CNST: variants seen among roughly 807,000 people sequenced by gnomAD.
The protein encoded by CNST is consortin, connexin sorting protein.
In CNST, 39 loss-of-function variants were observed where a neutral mutation model predicts 72.4. The observed-to-expected ratio is 0.54, with a 90% CI of 0.42 to 0.70. The LOEUF (loss-of-function observed/expected upper bound fraction) is 0.70, where lower values mean the gene tolerates loss of function less well. Among genes scored for constraint, CNST ranks in the 30% least tolerant of loss-of-function variants. CNST has a pLI of 0.00. For missense variants in CNST, 871 were observed against 868.5 expected, an observed-to-expected ratio of 1.00 and a Z score of -0.04; for synonymous variants, 332 against 320.1, an observed-to-expected ratio of 1.04 and a Z score of -0.40.
At chr1:246,570,224 T>C (rs1159191309) in intron 1 of CNST, among the ~76,000 whole-genome samples, 1 of 152,232 alleles carries the variant, frequency 6.6e-6, no homozygotes, top group Non-Finnish European at 1.5e-5. Flanking sequence ...CCATACGTGC[T>C]TCAAGTTGTT....
At chr1:246,581,628 A>G (rs949105866) in intron 1 of CNST, among the ~76,000 whole-genome samples, 5 of 152,218 alleles carry the variant, frequency 3.3e-5, no homozygotes, top group Admixed American at 1.3e-4. Context: ...AAAACATTCC[A>G]TTACAGCTGC....
chr1:246,566,489 C>G lies in CNST; in HGVS notation c.-226C>G, dbSNP rs1659689259. ...GGGCCGCCAGCCTCCAGCCGGCCAG[C>G]CGCGAGGGGTGCGCAGAGGGAGGCG... On this transcript the variant is annotated 5_prime_UTR_variant, in exon 1 of 11. Transcript: ENST00000366513. 4 of 441,950 alleles carry G rather than the reference C, an allele frequency of 9.1e-6. No individual in the cohort carries two copies. The highest frequency in any genetic ancestry group is 1.2e-5 in the Non-Finnish European group (3 of 248,452). The allele number at this position is 441,950 out of a possible 1,614,324, so 27.4% of individuals were successfully genotyped here.
intron 3 of CNST, among the ~76,000 whole-genome samples, chr1:246,625,653 C>G (rs1664378596): frequency 1.3e-5 from 2 of 151,988 alleles, no homozygotes; most frequent in Non-Finnish European, 2.9e-5. Flanking sequence ...ATCTCTTGAC[C>G]TCACGATCCG....
At position 246,666,059 on chromosome 1, in the gene CNST, ACT is replaced by A. The variant is rs1667378472; in HGVS notation, c.*157_*158del. The A allele has an allele frequency of 1.7e-6, 1 of 602,130 alleles. No homozygotes were observed. Among genetic ancestry groups the A allele is most frequent in the South Asian group, 2.0e-5 (1 of 49,174 alleles). The allele number at this position is 602,130 out of a possible 1,614,324, so 37.3% of individuals were successfully genotyped here. A position where few individuals can be genotyped will look rare whatever the true frequency, so the allele number is the denominator to read the frequency against. ...CAACTTTAAGTGGCAAGCCGGAGGA[ACT>A]CTGTTAGAATAATCCACACAGTGAG... On this transcript the variant is annotated 3_prime_UTR_variant, in exon 11 of 11. Transcript: ENST00000366513.
At chr1:246,630,992 C>G (rs930619093) in intron 3 of CNST, among the ~76,000 whole-genome samples, 1 of 151,986 alleles carries the variant, frequency 6.6e-6, no homozygotes, top group African/African-American at 2.4e-5. Flanking sequence ...ATGATCCACC[C>G]ACCTCAGCCT....
chr1:246,628,166 T>A (rs1029321098), intron 3 of CNST, among the ~76,000 whole-genome samples: 1 of 152,158 alleles, frequency 6.6e-6, no homozygotes, highest in African/African-American at 2.4e-5. Flanking sequence ...GATTAGATGG[T>A]GTCCACCAGT....
At chr1:246,650,926 C>T (rs1385554814) in intron 9 of CNST, among the ~76,000 whole-genome samples, 1 of 152,118 alleles carries the variant, frequency 6.6e-6, no homozygotes, top group Non-Finnish European at 1.5e-5. Flanking sequence ...AATCCACCTA[C>T]CTCGGCCTAC....
At chr1:246,607,483 A>T (rs1662949841) in intron 2 of CNST, 1 of 152,430 alleles carries the variant, frequency 6.6e-6, no homozygotes, top group Admixed American at 6.5e-5. Flanking sequence ...GCGCGCCAAC[A>T]GACAGCACAA....
chr1:246,632,591 G>A (rs116658244), intron 4 of CNST: 2,127 of 161,932 alleles, frequency 0.013, 19 homozygotes, highest in Middle Eastern at 0.035. Flanking sequence ...ACAAAAAGCT[G>A]AACAGTGAGT....
Position 246,642,009 on chromosome 1 carries a change from G to A in CNST, c.909G>A (p.Lys303=). Residue 303 remains lysine, a synonymous_variant, in exon 8 of 11, where the codon AAG becomes AAA. Transcript: ENST00000366513. ...AGTTACTAGTGTCTGAAGATCCAAA[G>A]GAAGGAGGAGCTACCACCAAAGAGT... is the stretch of plus-strand genomic sequence containing the variant. ...STQLLVSEDP[K]EGGATTKESE... 6.2e-7 allele frequency: 1 copy of A among 1,611,342 alleles called. No homozygotes were observed. Among genetic ancestry groups the A allele is most frequent in the Non-Finnish European group, 8.5e-7 (1 of 1,178,338 alleles).
chr1:246,611,491 G>A (rs191964237), intron 2 of CNST, among the ~76,000 whole-genome samples: 2 of 152,288 alleles, frequency 1.3e-5, no homozygotes, highest in African/African-American at 4.8e-5. Flanking sequence ...TGCTCTGAAA[G>A]AGTACTACTA....
At chr1:246,592,384 A>C (rs955833240) in intron 2 of CNST, among the ~76,000 whole-genome samples, 2 of 152,150 alleles carry the variant, frequency 1.3e-5, no homozygotes, top group Non-Finnish European at 2.9e-5. Context: ...GCTACTCTGG[A>C]GGCTGAGGCA....
At chr1:246,576,757 G>C (rs1370922281) in intron 1 of CNST, among the ~76,000 whole-genome samples, 1 of 151,928 alleles carries the variant, frequency 6.6e-6, no homozygotes, top group African/African-American at 2.4e-5. Context: ...GCCTTCCAAA[G>C]TGCTGGGGTT....
chr1:246,569,258 C>T (rs1271509322), intron 1 of CNST, among the ~76,000 whole-genome samples: 1 of 152,138 alleles, frequency 6.6e-6, no homozygotes, highest in Non-Finnish European at 1.5e-5. Context: ...GTTATTTTAA[C>T]ATGAAATCAA....
At chr1:246,577,187 A>C (rs911576947) in intron 1 of CNST, among the ~76,000 whole-genome samples, 1 of 152,054 alleles carries the variant, frequency 6.6e-6, no homozygotes, top group Non-Finnish European at 1.5e-5. Flanking sequence ...TTTGTGATTA[A>C]AAATGTTCTT....
At position 246,587,077 on chromosome 1, in the gene CNST, T is replaced by C. The variant is rs1409503974; in HGVS notation, c.-51-4435T>C. On this transcript the variant is annotated intron_variant, in intron 1 of 10. Coordinates refer to ENST00000366513, the MANE Select transcript of CNST (RefSeq NM_152609.3). ...TTTTAGAACTACTTTATAGGACTTATAAGGATTAAATTATATATATGTAAT... is the reference window on the plus strand; with the variant it reads ...TTTTAGAACTACTTTATAGGACTTACAAGGATTAAATTATATATATGTAAT... 5.3e-5 allele frequency among the ~76,000 whole-genome samples: 8 copies of C among 152,316 alleles called. No individual in the cohort carries two copies. In the East Asian group the frequency reaches 1.3e-3, roughly 26 times the overall value.
chr1:246,659,390 C>G (rs61852426), intron 9 of CNST, among the ~76,000 whole-genome samples: 16,966 of 152,078 alleles, frequency 0.11, 1,291 homozygotes, highest in African/African-American at 0.21. Flanking sequence ...GTCAGGAGAT[C>G]GAGACCATCC....
chr1:246,652,341 C>T (rs552628766), intron 9 of CNST, among the ~76,000 whole-genome samples: 163 of 152,282 alleles, frequency 1.1e-3, no homozygotes, highest in Non-Finnish European at 1.6e-3. Context: ...CACGGGGGTG[C>T]GCACTCAGCT....
In CNST at chr1:246,648,090, T is replaced by C. The variant is rs755507744; in HGVS notation, c.1836+53T>C. 4.6e-6 allele frequency: 7 copies of C among 1,532,198 alleles called. No individual in the cohort carries two copies. The East Asian group carries it at 6.9e-5, about 15-fold the overall frequency. 94.9% of individuals were successfully genotyped at this position (1,532,198 alleles called of 1,614,324 possible). A position where few individuals can be genotyped will look rare whatever the true frequency, so the allele number is the denominator to read the frequency against. On this transcript the variant is annotated intron_variant, in intron 9 of 10. Transcript: ENST00000366513. Reference sequence around the variant, plus strand: ...AGTAAAATGGCATTTAAAAAACATATATATGTATTAAATATTGCCTTGTTT... The same window carrying C: ...AGTAAAATGGCATTTAAAAAACATACATATGTATTAAATATTGCCTTGTTT...
Sources: gnomAD v4.1 joint callset for allele counts (sites outside exome capture counted in the v4.1 genomes callset) on GRCh38, gnomAD v4.1.1 for gene constraint, MANE v1.5 for transcripts, NCBI Gene and HGNC (gene_info 2026-07-23, HGNC 2026-07-21) for gene names.